SEPTIN14: variants seen among roughly 807,000 people sequenced by gnomAD.
SEPTIN14 encodes septin-14.
SEPTIN14 carries 40 observed loss-of-function variants against 53.6 expected under a neutral mutation model. That is an observed-to-expected ratio of 0.75 (90% CI 0.58 to 0.97). SEPTIN14 has a LOEUF of 0.97. Ranked by LOEUF, SEPTIN14 falls within the 50% of genes least tolerant of loss-of-function variation. SEPTIN14 has a pLI of 0.00. For synonymous variants in SEPTIN14, 138 were observed against 166.8 expected (o/e 0.83, Z 1.33); for missense variants, 471 against 508.2 (o/e 0.93, Z 0.70).
intron 2 of SEPTIN14, among the ~76,000 whole-genome samples, chr7:55,849,375 GA>G (rs941968780): frequency 3.4e-4 from 51 of 151,696 alleles, no homozygotes; most frequent in African/African-American, 1.2e-3. Flanking sequence ...ATAGGTCTTA[GA>G]AAAAATTAAA....
At chr7:55,859,707 G>A (rs1012723947) in intron 2 of SEPTIN14, among the ~76,000 whole-genome samples, 28 of 151,080 alleles carry the variant, frequency 1.9e-4, no homozygotes, top group African/African-American at 2.2e-4. Context: ...TGGAACTACC[G>A]TATGATCTAG....
chr7:55,836,005 T>G (rs561538324), intron 5 of SEPTIN14, among the ~76,000 whole-genome samples: 1 of 152,168 alleles, frequency 6.6e-6, no homozygotes, highest in South Asian at 2.1e-4. Context: ...CCTCCCAAAG[T>G]GTTGGGATTA....
At chr7:55,810,908 T>G in intron 7 of SEPTIN14, 2 of 354,252 alleles carry the variant, frequency 5.6e-6, no homozygotes, top group Non-Finnish European at 1.1e-5. Flanking sequence ...AGCCCAAAAC[T>G]AGGGTAACAG....
chr7:55,806,995 A>G (rs1788619518), intron 8 of SEPTIN14, 95 bp downstream of exon 8: 1 of 869,234 alleles, frequency 1.2e-6, no homozygotes, highest in Non-Finnish European at 1.7e-6. Context: ...AAGATGGGAG[A>G]AGTATAATTA....
chr7:55,822,799 G>A (rs1198617576), intron 6 of SEPTIN14, among the ~76,000 whole-genome samples: 1 of 142,958 alleles, frequency 7.0e-6, no homozygotes, highest in African/African-American at 2.6e-5. Context: ...ATTCCTAGAA[G>A]ATAATGTAGA....
intron 6 of SEPTIN14, among the ~76,000 whole-genome samples, chr7:55,819,568 A>G (rs903566219): frequency 4.6e-5 from 7 of 152,156 alleles, no homozygotes; most frequent in Admixed American, 2.6e-4. Context: ...CAGCCTGGGC[A>G]ACAGAGCAAG....
intron 3 of SEPTIN14, among the ~76,000 whole-genome samples, chr7:55,846,065 G>GTATGTATATATATATATATATA (rs1216410367): frequency 2.5e-5 from 1 of 39,758 alleles, no homozygotes; most frequent in African/African-American, 7.3e-5. Context: ...AAAAAAAAAA[G>GTATGTATATATATATATATATA]TATATATATA....
At chr7:55,848,695 C>A (rs1341618268) in intron 2 of SEPTIN14, among the ~76,000 whole-genome samples, 1 of 149,232 alleles carries the variant, frequency 6.7e-6, no homozygotes, top group East Asian at 2.0e-4. Context: ...GCAAGCTCCG[C>A]TTCCCGGGTT....
At chr7:55,800,424 G>T (rs1788505820) in intron 9 of SEPTIN14, among the ~76,000 whole-genome samples, 1 of 152,176 alleles carries the variant, frequency 6.6e-6, no homozygotes, top group Non-Finnish European at 1.5e-5. Context: ...AGGAGTTTGA[G>T]ACCAGCCTGG....
At chr7:55,811,698 C>A (rs1240557147) in intron 7 of SEPTIN14, among the ~76,000 whole-genome samples, 2 of 151,264 alleles carry the variant, frequency 1.3e-5, no homozygotes, top group African/African-American at 4.9e-5. Flanking sequence ...GGGGTTTCAC[C>A]ATGTTGGCCA....
intron 6 of SEPTIN14, among the ~76,000 whole-genome samples, chr7:55,831,014 T>C (rs990924018): frequency 3.3e-5 from 5 of 152,116 alleles, no homozygotes; most frequent in Non-Finnish European, 5.9e-5. Context: ...TTAAATGCAA[T>C]TCCTATCAAA....
intron 2 of SEPTIN14, among the ~76,000 whole-genome samples, chr7:55,852,880 T>C (rs527696628): frequency 6.6e-5 from 10 of 152,256 alleles, no homozygotes; most frequent in African/African-American, 2.4e-4. Flanking sequence ...TGGCAAGTGA[T>C]TGGAATACAC....
intron 7 of SEPTIN14, among the ~76,000 whole-genome samples, chr7:55,816,378 G>C (rs1788790919): frequency 6.6e-6 from 1 of 152,106 alleles, no homozygotes; most frequent in Non-Finnish European, 1.5e-5. Flanking sequence ...CACAAAGAAA[G>C]GATAAATGCT....
At chr7:55,838,851 G>C (rs1275755200) in intron 5 of SEPTIN14, among the ~76,000 whole-genome samples, 1 of 151,954 alleles carries the variant, frequency 6.6e-6, no homozygotes, top group Non-Finnish European at 1.5e-5. Context: ...GCCCAGCCCA[G>C]TTTCACTTTC....
chr7:55,801,219 T>C (rs1440000781), intron 9 of SEPTIN14, among the ~76,000 whole-genome samples: 2 of 151,604 alleles, frequency 1.3e-5, no homozygotes, highest in Non-Finnish European at 2.9e-5. Flanking sequence ...AAATAAGATA[T>C]AGACTAGAGA....
At chr7:55,807,019 A>G in intron 8 of SEPTIN14, 71 bp downstream of exon 8, 2 of 1,105,906 alleles carry the variant, frequency 1.8e-6, no homozygotes, top group Non-Finnish European at 2.5e-6. Flanking sequence ...TCATATCCAA[A>G]TTATCATACC....
At chr7:55,854,829 T>C (rs960951016) in intron 2 of SEPTIN14, among the ~76,000 whole-genome samples, 1 of 152,078 alleles carries the variant, frequency 6.6e-6, no homozygotes, top group East Asian at 1.9e-4. Context: ...TATACAAGAA[T>C]CTACAGAGCA....
rs754454901 is a variant in SEPTIN14 at position 55,844,495 on chromosome 7, T to TTTTTAATTTAAATTTAA, written c.371+27_371+28insTTAAATTTAAATTAAAA. The TTTTTAATTTAAATTTAA allele has an allele frequency of 3.7e-6, 5 of 1,346,566 alleles. No individual in the cohort carries two copies. In the African/African-American group the frequency reaches 7.3e-5, roughly 20 times the overall value. 83.4% of individuals were successfully genotyped at this position (1,346,566 alleles called of 1,614,324 possible). A position where few individuals can be genotyped will look rare whatever the true frequency, so the allele number is the denominator to read the frequency against. On this transcript the variant is annotated intron_variant, in intron 4 of 9. Coordinates refer to ENST00000388975, the MANE Select transcript of SEPTIN14 (RefSeq NM_207366.3). ...CAAATTCCTTGAAATAAGAAAACCT[T>TTTTTAATTTAAATTTAA]TTTTAATTTAAATAAGAAAACACTC...
At chr7:55,844,911 T>TC (rs1211722131) in intron 3 of SEPTIN14, among the ~76,000 whole-genome samples, 193 bp from the exon 4 acceptor site, 1 of 88,376 alleles carries the variant, frequency 1.1e-5, no homozygotes, top group Non-Finnish European at 1.9e-5. Flanking sequence ...GTACAAAGTT[T>TC]CTTTTTTTTT....
Sources: allele counts gnomAD v4.1 joint callset (sites outside exome capture counted in the v4.1 genomes callset), GRCh38; gene constraint gnomAD v4.1.1; transcripts MANE v1.5; gene names NCBI Gene and HGNC (gene_info 2026-07-23, HGNC 2026-07-21).